Variants in LRRTM4 observed in about 807,000 individuals in gnomAD.
The protein encoded by LRRTM4 is leucine-rich repeat transmembrane neuronal protein 4.
LRRTM4 carries 25 observed loss-of-function variants against 47.6 expected under a neutral mutation model. The observed-to-expected ratio is 0.53, with a 90% CI of 0.38 to 0.73. LRRTM4 has a LOEUF of 0.73. Ranked by LOEUF, LRRTM4 falls within the 30% of genes least tolerant of loss-of-function variation. LRRTM4 has a pLI of 0.00. For synonymous variants in LRRTM4, 311 were observed against 269.5 expected (o/e 1.15, Z -1.51); for missense variants, 638 against 713.4 (o/e 0.89, Z 1.20).
intron 3 of LRRTM4, among the ~76,000 whole-genome samples, chr2:77,182,445 G>T (rs1673374713): frequency 6.6e-6 from 1 of 151,960 alleles, no homozygotes; most frequent in East Asian, 1.9e-4. Context: ...TGAGGGGAGA[G>T]AATCTAGATG....
chr2:76,884,082 A>G (rs1351863798), intron 3 of LRRTM4, among the ~76,000 whole-genome samples: 3 of 151,918 alleles, frequency 2.0e-5, no homozygotes, highest in African/African-American at 7.3e-5. Context: ...GACCTCCCAA[A>G]TTGTTGAACC....
At chr2:76,864,316 T>A (rs538047601) in intron 3 of LRRTM4, among the ~76,000 whole-genome samples, 3 of 152,270 alleles carry the variant, frequency 2.0e-5, no homozygotes, top group African/African-American at 7.2e-5. Context: ...TCCACACCTC[T>A]GAGATTGGTT....
At chr2:77,255,847 C>T (rs955197189) in intron 3 of LRRTM4, among the ~76,000 whole-genome samples, 7 of 151,700 alleles carry the variant, frequency 4.6e-5, no homozygotes, top group South Asian at 2.1e-4. Flanking sequence ...ATCTAAATTC[C>T]CACATTAAGG....
intron 3 of LRRTM4, among the ~76,000 whole-genome samples, chr2:76,812,756 TCTC>T (rs1162021384): frequency 3.8e-5 from 3 of 78,716 alleles, no homozygotes; most frequent in African/African-American, 6.5e-5. Context: ...TCTCCCTCCT[TCTC>T]CTCCTCCTCT....
intron 3 of LRRTM4, among the ~76,000 whole-genome samples, chr2:77,008,487 T>C (rs960301776): frequency 6.6e-6 from 1 of 152,206 alleles, no homozygotes; most frequent in African/African-American, 2.4e-5. Context: ...ACCACTGATA[T>C]GATATTGATC....
intron 3 of LRRTM4, among the ~76,000 whole-genome samples, chr2:77,276,633 T>A (rs1051683237): frequency 5.8e-5 from 8 of 138,842 alleles, no homozygotes; most frequent in Admixed American, 5.4e-4. Context: ...AAATATAGCC[T>A]GATGCAATCA....
In LRRTM4 at chr2:77,391,930, G is replaced by C. The variant is rs551441883; in HGVS notation, c.1551+126388C>G. On this transcript the variant is annotated intron_variant, in intron 3 of 3. Coordinates refer to ENST00000409884, the MANE Select transcript of LRRTM4 (RefSeq NM_001134745.3). ...GACTCTGGTACGGCAACATATAATA[G>C]ATAACAGACCCTAAAAAGAGATCAA... 2.4e-4 allele frequency among the ~76,000 whole-genome samples: 37 copies of C among 152,060 alleles called. 1 individual carries two copies. Among genetic ancestry groups the C allele is most frequent in the African/African-American group, 8.0e-4 (33 of 41,506 alleles).
intron 3 of LRRTM4, among the ~76,000 whole-genome samples, chr2:77,055,795 G>C (rs1164431422): frequency 6.6e-6 from 1 of 151,738 alleles, no homozygotes; most frequent in East Asian, 1.9e-4. Context: ...CAACCCAAAT[G>C]TCCAACAATG....
At chr2:77,130,538 C>G (rs1264375009) in intron 3 of LRRTM4, among the ~76,000 whole-genome samples, 1 of 151,570 alleles carries the variant, frequency 6.6e-6, no homozygotes, top group African/African-American at 2.4e-5. Context: ...TTGAGATGGA[C>G]TCTCGCTCTG....
chr2:77,068,566 T>A (rs1450250558), intron 3 of LRRTM4, among the ~76,000 whole-genome samples: 1 of 152,226 alleles, frequency 6.6e-6, no homozygotes, highest in Non-Finnish European at 1.5e-5. Flanking sequence ...ATATGTGACA[T>A]TTTCTGTCTG....
chr2:76,784,491 T>C (rs912584082), intron 3 of LRRTM4, among the ~76,000 whole-genome samples: 1 of 152,094 alleles, frequency 6.6e-6, no homozygotes, highest in African/African-American at 2.4e-5. Context: ...ATGAATGCTG[T>C]GTTTTTCTCA....
At chr2:77,286,289 A>G (rs1037182531) in intron 3 of LRRTM4, among the ~76,000 whole-genome samples, 2 of 152,058 alleles carry the variant, frequency 1.3e-5, no homozygotes, top group Non-Finnish European at 2.9e-5. Flanking sequence ...TAAAATGAAA[A>G]TATGCTTTTA....
chr2:77,064,939 C>G (rs1679906047), intron 3 of LRRTM4, among the ~76,000 whole-genome samples: 1 of 152,038 alleles, frequency 6.6e-6, no homozygotes, highest in Admixed American at 6.6e-5. Flanking sequence ...CTGCCCATTC[C>G]CATACAACTA....
At chr2:77,448,727 A>G (rs889163459) in intron 3 of LRRTM4, among the ~76,000 whole-genome samples, 2 of 152,196 alleles carry the variant, frequency 1.3e-5, no homozygotes, top group African/African-American at 4.8e-5. Flanking sequence ...TTGTACAGTG[A>G]TCCCTGCTGT....
chr2:77,254,973 TAAAAC>T (rs1470656844), intron 3 of LRRTM4, among the ~76,000 whole-genome samples: 3 of 149,328 alleles, frequency 2.0e-5, no homozygotes, highest in East Asian at 2.0e-4. Flanking sequence ...ATAATCTAAA[TAAAAC>T]AAAACACAGA....
intron 3 of LRRTM4, among the ~76,000 whole-genome samples, chr2:77,162,885 A>C (rs1355795907): frequency 6.6e-6 from 1 of 152,224 alleles, no homozygotes; most frequent in African/African-American, 2.4e-5. Flanking sequence ...AGAGCAGAAA[A>C]GCTGAAAATT....
chr2:76,873,504 G>A (rs1442856878), intron 3 of LRRTM4, among the ~76,000 whole-genome samples: 27 of 73,200 alleles, frequency 3.7e-4, no homozygotes, highest in East Asian at 6.9e-4. Flanking sequence ...ATATATATGT[G>A]TGTATATATA....
intron 3 of LRRTM4, among the ~76,000 whole-genome samples, chr2:76,849,891 G>T (rs1338697572): frequency 2.0e-5 from 3 of 151,958 alleles, no homozygotes; most frequent in African/African-American, 7.3e-5. Flanking sequence ...ATGTATAATT[G>T]TATTACTCCT....
At chr2:76,807,452 A>ACG (rs1670545324) in intron 3 of LRRTM4, among the ~76,000 whole-genome samples, 4 of 101,580 alleles carry the variant, frequency 3.9e-5, no homozygotes, top group Non-Finnish European at 7.0e-5. Context: ...ATACATATAT[A>ACG]TATATACATA....
Sources: gnomAD v4.1 joint callset for allele counts (sites outside exome capture counted in the v4.1 genomes callset) on GRCh38, gnomAD v4.1.1 for gene constraint, MANE v1.5 for transcripts, NCBI Gene and HGNC (gene_info 2026-07-23, HGNC 2026-07-21) for gene names.